EPHA3: variants seen among roughly 807,000 people sequenced by gnomAD.
The protein encoded by EPHA3 is EPH receptor A3.
Under a neutral mutation model 107.1 loss-of-function variants are expected in EPHA3, and 42 were observed. The ratio of observed to expected loss-of-function variants is 0.39; its 90% CI spans 0.31 to 0.51. The LOEUF (loss-of-function observed/expected upper bound fraction) is 0.51, where lower values mean the gene tolerates loss of function less well. Ranked by LOEUF, EPHA3 falls within the 20% of genes least tolerant of loss-of-function variation. The probability of loss-of-function intolerance (pLI) is 0.78; values close to 1 mark genes in which losing one functional copy is unlikely to be tolerated. For synonymous variants in EPHA3, 461 were observed against 424.8 expected, an observed-to-expected ratio of 1.09 and a Z score of -1.05; for missense variants, 1,183 against 1,211.2, an observed-to-expected ratio of 0.98 and a Z score of 0.35.
chr3:89,127,181 T>C, intron 1 of EPHA3, 28 bp from the exon 2 acceptor site: 1 of 1,550,088 alleles, frequency 6.5e-7, no homozygotes, highest in East Asian at 2.2e-5. Context: ...TGTTATTAAC[T>C]GTGTTTGTGT....
intron 3 of EPHA3, among the ~76,000 whole-genome samples, chr3:89,273,826 C>A (rs1705739771): frequency 6.6e-6 from 1 of 151,896 alleles, no homozygotes; most frequent in Admixed American, 6.6e-5. Context: ...AGGATATTTT[C>A]TAACATGTAT....
Position 89,450,629 on chromosome 3 carries a change from T to C in EPHA3, c.2690+259T>C, listed in dbSNP as rs1709966799. On this transcript the variant is annotated intron_variant, in intron 15 of 16. Transcript: ENST00000336596. ...CAGGCTTGTTTAAGTCTTTGGGAAATAGGAATACTGGAGGGGTGCGGTGGC... is the reference window on the plus strand; with the variant it reads ...CAGGCTTGTTTAAGTCTTTGGGAAACAGGAATACTGGAGGGGTGCGGTGGC... 3.3e-5 allele frequency among the ~76,000 whole-genome samples: 5 copies of C among 152,076 alleles called. No homozygotes were observed. In the South Asian group the frequency reaches 8.3e-4, roughly 25 times the overall value.
intron 13 of EPHA3, among the ~76,000 whole-genome samples, chr3:89,448,798 G>C (rs1027327680): frequency 2.0e-5 from 3 of 151,962 alleles, no homozygotes; most frequent in African/African-American, 7.3e-5. Flanking sequence ...TACAAATACT[G>C]ACTTATTCAC....
At chr3:89,224,072 A>G (rs534833421) in intron 3 of EPHA3, among the ~76,000 whole-genome samples, 1 of 152,306 alleles carries the variant, frequency 6.6e-6, no homozygotes, top group East Asian at 1.9e-4. Context: ...AACAATATCT[A>G]ACAAAAAATG....
chr3:89,152,147 C>G (rs967127750), intron 2 of EPHA3, among the ~76,000 whole-genome samples: 2 of 152,092 alleles, frequency 1.3e-5, no homozygotes, highest in African/African-American at 4.8e-5. Context: ...CGAAGGTACT[C>G]ATCAACATTA....
chr3:89,152,979 G>A lies in EPHA3; in HGVS notation c.153+25706G>A, dbSNP rs1200040170. Among the ~76,000 whole-genome samples the A allele has an allele frequency of 2.6e-5, 4 of 152,028 alleles. No homozygotes were observed. The East Asian group carries it at 5.8e-4, about 22-fold the overall frequency. On this transcript the variant is annotated intron_variant, in intron 2 of 16. Transcript: ENST00000336596. ...GTCTACTATTTCATAAATATCATGT[G>A]TGTATTTATAAGCTATTATAGGTTG...
intron 3 of EPHA3, among the ~76,000 whole-genome samples, chr3:89,324,485 C>T (rs1707120643): frequency 6.6e-6 from 1 of 151,748 alleles, no homozygotes; most frequent in Non-Finnish European, 1.5e-5. Context: ...CAGCTCCCAG[C>T]TAGTTTATTT....
chr3:89,479,963 AC>A lies in EPHA3; in HGVS notation c.*463del. The A allele has an allele frequency of 4.2e-6, 1 of 235,910 alleles. No homozygotes were observed. Among genetic ancestry groups the A allele is most frequent in the Non-Finnish European group, 8.4e-6 (1 of 119,640 alleles). 14.6% of individuals were successfully genotyped at this position (235,910 alleles called of 1,614,324 possible). ...AAGCAAGCAACACAGAGGAATTTAT[AC>A]CTCAAACTATCTGGCCATATTTACT... On this transcript the variant is annotated 3_prime_UTR_variant, in exon 17 of 17. Coordinates refer to ENST00000336596, the MANE Select transcript of EPHA3 (RefSeq NM_005233.6).
intron 3 of EPHA3, among the ~76,000 whole-genome samples, chr3:89,223,060 A>G (rs1365235398): frequency 1.3e-5 from 2 of 152,218 alleles, no homozygotes; most frequent in Non-Finnish European, 2.9e-5. Flanking sequence ...TTAACATAAT[A>G]CAACTCTTTA....
intron 2 of EPHA3, among the ~76,000 whole-genome samples, chr3:89,192,089 T>C (rs1559593446): frequency 6.6e-6 from 1 of 152,296 alleles, no homozygotes; most frequent in African/African-American, 2.4e-5. Context: ...TTTTAACTTG[T>C]AGGTTGGTTA....
intron 3 of EPHA3, among the ~76,000 whole-genome samples, chr3:89,322,141 A>T (rs1329950973): frequency 6.6e-6 from 1 of 151,752 alleles, no homozygotes; most frequent in Admixed American, 6.6e-5. Context: ...TTGGAGAGAG[A>T]GAGAGAGAGA....
chr3:89,167,663 G>A, intron 2 of EPHA3, among the ~76,000 whole-genome samples: 1 of 152,102 alleles, frequency 6.6e-6, no homozygotes, highest in Non-Finnish European at 1.5e-5. Context: ...TTTCTGAGGA[G>A]CAGCAGAATT....
At chr3:89,287,388 G>A (rs1010461278) in intron 3 of EPHA3, among the ~76,000 whole-genome samples, 1 of 152,112 alleles carries the variant, frequency 6.6e-6, no homozygotes, top group African/African-American at 2.4e-5. Flanking sequence ...GCATTCAAGT[G>A]AGTGTCCTTT....
chr3:89,178,004 A>C (rs1443731378), intron 2 of EPHA3, among the ~76,000 whole-genome samples: 1 of 152,172 alleles, frequency 6.6e-6, no homozygotes, highest in African/African-American at 2.4e-5. Flanking sequence ...AAAGGAACCA[A>C]AGTATTAGAG....
At chr3:89,226,141 T>C (rs886426102) in intron 3 of EPHA3, among the ~76,000 whole-genome samples, 1 of 152,156 alleles carries the variant, frequency 6.6e-6, no homozygotes, top group Non-Finnish European at 1.5e-5. Flanking sequence ...AAATGGTATA[T>C]AAATCAGAGG....
intron 3 of EPHA3, among the ~76,000 whole-genome samples, chr3:89,280,220 T>A (rs1177268716): frequency 2.6e-5 from 4 of 152,238 alleles, no homozygotes; most frequent in African/African-American, 9.6e-5. Flanking sequence ...AACTTTTGAA[T>A]ACCATTTCAT....
chr3:89,243,441 G>A (rs1358939906), intron 3 of EPHA3, among the ~76,000 whole-genome samples: 3 of 151,978 alleles, frequency 2.0e-5, no homozygotes, highest in Admixed American at 6.6e-5. Flanking sequence ...TTTAATGATC[G>A]CCATTCTAAC....
At chr3:89,419,099 G>A in intron 10 of EPHA3, 106 bp from the exon 11 acceptor site, 1 of 1,194,422 alleles carries the variant, frequency 8.4e-7, no homozygotes, top group South Asian at 1.7e-5. Flanking sequence ...CAGGTCAAAG[G>A]CACAAATATT....
chr3:89,450,049 C>A, intron 14 of EPHA3, 128 bp from the exon 15 acceptor site: 1 of 683,334 alleles, frequency 1.5e-6, no homozygotes, highest in Non-Finnish European at 2.3e-6. Context: ...TTTTAGGCAA[C>A]TAAAAATGAG....
Sources: gnomAD v4.1 joint callset for allele counts (sites outside exome capture counted in the v4.1 genomes callset) on GRCh38, gnomAD v4.1.1 for gene constraint, MANE v1.5 for transcripts, NCBI Gene and HGNC (gene_info 2026-07-23, HGNC 2026-07-21) for gene names.